Variants in FBXO32 observed in about 807,000 individuals in gnomAD.
FBXO32 encodes the protein F-box only protein 32.
FBXO32 carries 15 observed loss-of-function variants against 48.3 expected under a neutral mutation model. That is an observed-to-expected ratio of 0.31 (90% CI 0.21 to 0.48). The LOEUF is 0.48. Ranked by LOEUF, FBXO32 falls within the 20% of genes least tolerant of loss-of-function variation. FBXO32 has a pLI of 0.99. For missense variants in FBXO32, 309 were observed against 432.7 expected (o/e 0.71, Z 2.54); for synonymous variants, 154 against 165.9 (o/e 0.93, Z 0.55).
intron 4 of FBXO32, among the ~76,000 whole-genome samples, chr8:123,526,632 C>G (rs574145641): frequency 1.3e-5 from 2 of 152,168 alleles, no homozygotes; most frequent in African/African-American, 4.8e-5. Context: ...CAAACCAGTT[C>G]CCCTAAGTTC....
intron 7 of FBXO32, among the ~76,000 whole-genome samples, chr8:123,505,991 A>C (rs1221207704): frequency 6.6e-6 from 1 of 152,146 alleles, no homozygotes; most frequent in Non-Finnish European, 1.5e-5. Context: ...GGGGGTGCCG[A>C]GGCAGGAGGA....
rs931507740 is a variant in FBXO32 at position 123,497,999 on chromosome 8, G to A, written c.*5374C>T. The A allele has an allele frequency of 2.0e-5, 3 of 152,200 alleles. No individual in the cohort carries two copies. Among genetic ancestry groups the A allele is most frequent in the African/African-American group, 7.2e-5 (3 of 41,442 alleles). The allele number at this position is 152,200 out of a possible 1,614,324, so 9.4% of individuals were successfully genotyped here. The stretch of plus-strand genomic sequence containing the variant: ...AATCAGTTCATCATGCAAGAAAAGT[G>A]TGCAAATAATTTATACAGAAGGACT... On this transcript the variant is annotated 3_prime_UTR_variant, in exon 9 of 9. Transcript: ENST00000517956.
Position 123,503,338 on chromosome 8 carries a change from G to A in FBXO32, c.*35C>T, listed in dbSNP as rs754730043. 2.6e-6 allele frequency: 4 copies of A among 1,566,528 alleles called. No individual in the cohort carries two copies. Among genetic ancestry groups the A allele is most frequent in the East Asian group, 2.2e-5 (1 of 44,634 alleles). ...ATATTCCCAGCTCTCCAGTCAGCAG[G>A]GGGACCCTTCTGAAGTGTTGTCATG... On this transcript the variant is annotated 3_prime_UTR_variant, in exon 9 of 9. Transcript: ENST00000517956.
chr8:123,514,128 T>C (rs1223424573), intron 5 of FBXO32, 112 bp downstream of exon 5: 5 of 716,548 alleles, frequency 7.0e-6, no homozygotes, highest in South Asian at 6.1e-5. Context: ...GAGTTATTCA[T>C]TTCCATCCAT....
chr8:123,520,589 G>A (rs1475410356), intron 4 of FBXO32, among the ~76,000 whole-genome samples: 1 of 152,182 alleles, frequency 6.6e-6, no homozygotes, highest in South Asian at 2.1e-4. Context: ...TCTCAGAGCG[G>A]ATATCAACCA....
At position 123,513,471 on chromosome 8, in the gene FBXO32, T is replaced by C. The variant is rs1563921299; in HGVS notation, c.467-89A>G. On this transcript the variant is annotated intron_variant, in intron 5 of 8. Coordinates refer to ENST00000517956, the MANE Select transcript of FBXO32 (RefSeq NM_058229.4). This position sits in a 1 kb window ranked among gnomAD's most constrained non-coding sequence, Gnocchi z 4.3. ...GAGCTTGTCTCTGTCTGTATTCCAC[T>C]CATGTTACCCAGGCACTGCCTCTGG... 3 of 1,141,788 alleles carry C rather than the reference T, an allele frequency of 2.6e-6. No homozygotes were observed. Among genetic ancestry groups the C allele is most frequent in the Non-Finnish European group, 2.5e-6 (2 of 799,924 alleles). The allele number at this position is 1,141,788 out of a possible 1,614,324, so 70.7% of individuals were successfully genotyped here. A position where few individuals can be genotyped will look rare whatever the true frequency, so the allele number is the denominator to read the frequency against.
At chr8:123,532,280 G>C (rs943957809) in intron 3 of FBXO32, 23 of 885,368 alleles carry the variant, frequency 2.6e-5, no homozygotes, top group Non-Finnish European at 3.4e-5. Context: ...TATTAGTCTG[G>C]AAAAATCATA....
At chr8:123,521,748 A>C (rs945869294) in intron 4 of FBXO32, among the ~76,000 whole-genome samples, 1 of 152,056 alleles carries the variant, frequency 6.6e-6, no homozygotes, top group Non-Finnish European at 1.5e-5. Context: ...TATGTGTCTG[A>C]CTGGAAAATC....
Position 123,516,708 on chromosome 8 carries a change from C to T in FBXO32, c.373-2375G>A, listed in dbSNP as rs1816846253. Among the ~76,000 whole-genome samples, 3 of 152,122 alleles carry T rather than the reference C, an allele frequency of 2.0e-5. No individual in the cohort carries two copies. In the South Asian group the frequency reaches 6.2e-4, roughly 32 times the overall value. On this transcript the variant is annotated intron_variant, in intron 4 of 8. Coordinates refer to ENST00000517956, the MANE Select transcript of FBXO32 (RefSeq NM_058229.4). ...TTACTTTACATATTAAAAAAAGCCA[C>T]CCCCAAACCAAACTCCTTTTTCTCC... is the stretch of plus-strand genomic sequence containing the variant.
In FBXO32 at chr8:123,525,636, G is replaced by A. The variant is rs1015966495; in HGVS notation, c.372+6262C>T. On this transcript the variant is annotated intron_variant, in intron 4 of 8. Transcript: ENST00000517956. The surrounding 1 kb of genome is among the most constrained non-coding windows in gnomAD (Gnocchi z 4.3). ...AGGAGAGAACACTGGAGCAGGAGTC[G>A]GAGAACCAGGCTTAGGTCCTGCCTT... 1.3e-5 allele frequency among the ~76,000 whole-genome samples: 2 copies of A among 152,194 alleles called. No homozygotes were observed. The highest frequency in any genetic ancestry group is 6.5e-5 in the Admixed American group (1 of 15,276).
chr8:123,524,538 C>T (rs754593814), intron 4 of FBXO32, among the ~76,000 whole-genome samples: 1 of 151,998 alleles, frequency 6.6e-6, no homozygotes, highest in African/African-American at 2.4e-5. Context: ...TTTCCTTTTT[C>T]TTTTTATCTT....
In FBXO32 at chr8:123,500,014, C is replaced by T. The variant is rs1242136911; in HGVS notation, c.*3359G>A. 2 of 152,198 alleles carry T rather than the reference C, an allele frequency of 1.3e-5. No individual in the cohort carries two copies. Among genetic ancestry groups the T allele is most frequent in the African/African-American group, 4.8e-5 (2 of 41,446 alleles). 9.4% of individuals were successfully genotyped at this position (152,198 alleles called of 1,614,324 possible). On this transcript the variant is annotated 3_prime_UTR_variant, in exon 9 of 9. Coordinates refer to ENST00000517956, the MANE Select transcript of FBXO32 (RefSeq NM_058229.4). The stretch of plus-strand genomic sequence containing the variant: ...AACAAAAATCATCTCACAACTGATA[C>T]ATTGGGGATGCTTTCACCTAATAGC...
chr8:123,535,860 A>G (rs1478760261), intron 1 of FBXO32, among the ~76,000 whole-genome samples: 1 of 138,712 alleles, frequency 7.2e-6, no homozygotes, highest in Non-Finnish European at 1.5e-5. Context: ...CCGATATTTT[A>G]TACTCCTTTA....
At chr8:123,534,947 T>A (rs1476010298) in intron 1 of FBXO32, 133 bp from the exon 2 acceptor site, 1 of 528,732 alleles carries the variant, frequency 1.9e-6, no homozygotes, top group African/African-American at 1.9e-5. Context: ...AACAATAAAA[T>A]GATCACTCAA....
intron 6 of FBXO32, among the ~76,000 whole-genome samples, chr8:123,507,673 G>C (rs928081263): frequency 6.6e-6 from 1 of 152,054 alleles, no homozygotes; most frequent in African/African-American, 2.4e-5. Flanking sequence ...ATATATTTAA[G>C]CCTTTATTGT....
At chr8:123,531,262 G>A (rs1817202370) in intron 4 of FBXO32, among the ~76,000 whole-genome samples, 1 of 152,312 alleles carries the variant, frequency 6.6e-6, no homozygotes, top group South Asian at 2.1e-4. Context: ...GATTACAGGT[G>A]TGAGCCACCG....
chr8:123,519,439 T>C (rs1045876597), intron 4 of FBXO32, among the ~76,000 whole-genome samples: 4 of 149,662 alleles, frequency 2.7e-5, no homozygotes, highest in African/African-American at 7.4e-5. Flanking sequence ...TAGTCCCAGC[T>C]ACTCAGGAGG....
chr8:123,503,622 A>G (rs1816546854), intron 8 of FBXO32, among the ~76,000 whole-genome samples, 160 bp from the exon 9 acceptor site: 1 of 152,230 alleles, frequency 6.6e-6, no homozygotes, highest in Non-Finnish European at 1.5e-5. Context: ...CTGTGAAAGT[A>G]GATTTCATGA....
intron 6 of FBXO32, among the ~76,000 whole-genome samples, chr8:123,507,648 T>C (rs969362099): frequency 2.6e-5 from 4 of 152,184 alleles, no homozygotes; most frequent in Non-Finnish European, 5.9e-5. Flanking sequence ...TTCTGGTACA[T>C]CCCTGAACTT....
Sources: gnomAD v4.1 joint callset for allele counts (sites outside exome capture counted in the v4.1 genomes callset) on GRCh38, gnomAD v4.1.1 for gene constraint, Gnocchi (gnomAD v3.1) non-coding constraint, MANE v1.5 for transcripts, NCBI Gene and HGNC (gene_info 2026-07-23, HGNC 2026-07-21) for gene names.